LRP4: variants seen among roughly 807,000 people sequenced by gnomAD.
The protein encoded by LRP4 is LDL receptor related protein 4, also known as low-density lipoprotein receptor-related protein 4.
A neutral mutation model predicts 220.3 loss-of-function variants in LRP4; 95 were observed. That is an observed-to-expected ratio of 0.43 (90% CI 0.37 to 0.51). The LOEUF is 0.51. Ranked by LOEUF, LRP4 falls within the 20% of genes least tolerant of loss-of-function variation. The pLI, the probability that LRP4 is intolerant of heterozygous loss-of-function variation, is 0.00. For missense variants in LRP4, 1,925 were observed against 2,567.0 expected (o/e 0.75, Z 5.40); for synonymous variants, 903 against 954.6 (o/e 0.95, Z 1.00).
In LRP4 at chr11:46,881,058, CAAAAAAAAA is replaced by C. The variant is rs60125188; in HGVS notation, c.2814+635_2814+643del. 3.9e-4 allele frequency among the ~76,000 whole-genome samples: 22 copies of C among 56,110 alleles called. No individual in the cohort carries two copies. In the South Asian group the frequency reaches 0.018, roughly 45 times the overall value. 36.8% of individuals were successfully genotyped at this position (56,110 alleles called of 152,430 possible). A position where few individuals can be genotyped will look rare whatever the true frequency, so the allele number is the denominator to read the frequency against. ...CAGCATGACCCTGCCTCTAAAAAAC[CAAAAAAAAA>C]AAAAAAAAAAAAAAAAAAGACAGTA... is the stretch of plus-strand genomic sequence containing the variant. On this transcript the variant is annotated intron_variant, in intron 20 of 37. Coordinates refer to ENST00000378623, the MANE Select transcript of LRP4 (RefSeq NM_002334.4).
intron 12 of LRP4, among the ~76,000 whole-genome samples, chr11:46,894,049 G>A (rs996565780): frequency 1.3e-5 from 2 of 151,460 alleles, no homozygotes; most frequent in Non-Finnish European, 2.9e-5. Flanking sequence ...GCGCCACCAC[G>A]CCCGGCTAAC....
Position 46,894,641 on chromosome 11 carries a change from G to A in LRP4, c.1488C>T (p.Asn496=), listed in dbSNP as rs779961860. The A allele has an allele frequency of 3.1e-6, 5 of 1,613,912 alleles. No individual in the cohort carries two copies. In the East Asian group the frequency reaches 1.1e-4, roughly 36 times the overall value. The change falls in exon 12 of 38, where the codon AAC becomes AAT. Residue 496 remains asparagine (N), a synonymous_variant. Coordinates refer to ENST00000378623, the MANE Select transcript of LRP4 (RefSeq NM_002334.4). Reference sequence around the variant, plus strand: ...CCTCCTCCACGTTGCTGCCGTTGAGGTTGGCACGGAGGATCCGGTCCAGGG... The same window carrying A: ...CCTCCTCCACGTTGCTGCCGTTGAGATTGGCACGGAGGATCCGGTCCAGGG... ...DVTLDRILRA[N]LNGSNVEEVV...
chr11:46,884,344 C>A (rs1941231344), intron 18 of LRP4, among the ~76,000 whole-genome samples: 1 of 152,144 alleles, frequency 6.6e-6, no homozygotes, highest in East Asian at 1.9e-4. Context: ...TGGCTCACGC[C>A]TGTAATCCCA....
At chr11:46,892,170 T>C (rs1043998816) in intron 13 of LRP4, among the ~76,000 whole-genome samples, 2 of 152,324 alleles carry the variant, frequency 1.3e-5, no homozygotes, top group Middle Eastern at 3.4e-3. Flanking sequence ...TGGACTCAAG[T>C]GATCCTCCTT....
chr11:46,863,758 CA>C (rs1321369240), intron 36 of LRP4, among the ~76,000 whole-genome samples: 1 of 151,444 alleles, frequency 6.6e-6, no homozygotes, highest in African/African-American at 2.4e-5. Context: ...GACTCTATCT[CA>C]AAAAAATAAG....
At chr11:46,893,254 T>C (rs1314902601) in intron 12 of LRP4, 125 bp from the exon 13 acceptor site, 2 of 868,766 alleles carry the variant, frequency 2.3e-6, no homozygotes, top group Non-Finnish European at 3.8e-6. Context: ...TCACTTCAGA[T>C]ACATGAATTC....
intron 10 of LRP4, 90 bp downstream of exon 10, chr11:46,895,785 GTCACACCGT>G: frequency 6.5e-7 from 1 of 1,537,968 alleles, no homozygotes; most frequent in Admixed American, 1.7e-5. Flanking sequence ...ACGAAATGAG[GTCACACCGT>G]TCAAATGCCT....
chr11:46,896,476 G>A (rs529918780), intron 8 of LRP4, 141 bp from the exon 9 acceptor site: 162 of 1,007,718 alleles, frequency 1.6e-4, no homozygotes, highest in Non-Finnish European at 2.1e-4. Flanking sequence ...AAGCAGCTCA[G>A]ACAGGGCTGG....
Position 46,899,386 on chromosome 11 carries a change from C to A in LRP4, c.547+1G>T. 3 of 1,611,796 alleles carry A rather than the reference C, an allele frequency of 1.9e-6. No individual in the cohort carries two copies. Among genetic ancestry groups the A allele is most frequent in the Non-Finnish European group, 2.5e-6 (3 of 1,177,890 alleles). On this transcript the variant is annotated splice_donor_variant, in intron 5 of 37. Coordinates refer to ENST00000378623, the MANE Select transcript of LRP4 (RefSeq NM_002334.4). LOFTEE classifies it high-confidence loss of function. The surrounding 1 kb of genome is among the most constrained non-coding windows in gnomAD (Gnocchi z 5.9). ...ACAGCCTGAGGTCTGGGGCCACTCA[C>A]GACAGTTCTCCTCATCGGAGCCATC...
At chr11:46,868,554 T>G in intron 33 of LRP4, 46 bp downstream of exon 33, 1 of 1,399,368 alleles carries the variant, frequency 7.1e-7, no homozygotes, top group Non-Finnish European at 1.0e-6. Flanking sequence ...CTCTCAGCCC[T>G]TCCAGGGGCT....
chr11:46,898,740 G>A, intron 6 of LRP4, 63 bp from the exon 7 acceptor site: 2 of 1,610,976 alleles, frequency 1.2e-6, no homozygotes, highest in African/African-American at 1.3e-5. Context: ...CAGACTAGAA[G>A]GCCACAGCCC....
intron 2 of LRP4, among the ~76,000 whole-genome samples, chr11:46,901,205 G>C (rs1196776062): frequency 6.6e-6 from 1 of 152,206 alleles, no homozygotes; most frequent in Non-Finnish European, 1.5e-5. Context: ...GGTAATTGTG[G>C]TGAGGGGTTC....
chr11:46,899,592 T>C lies in LRP4; in HGVS notation c.431-89A>G. Reference sequence around the variant, plus strand: ...CTCTGACTCCCAACCTCACTGGCTTTGGCGGGTCTGACCTAGCCCCCGAAA... The same window carrying C: ...CTCTGACTCCCAACCTCACTGGCTTCGGCGGGTCTGACCTAGCCCCCGAAA... On this transcript the variant is annotated intron_variant, in intron 4 of 37. Transcript: ENST00000378623. This position sits in a 1 kb window ranked among gnomAD's most constrained non-coding sequence, Gnocchi z 5.9. 1 of 998,020 alleles carries C rather than the reference T, an allele frequency of 1.0e-6. No individual in the cohort carries two copies. The highest frequency in any genetic ancestry group is 1.6e-6 in the Non-Finnish European group (1 of 631,634). The allele number at this position is 998,020 out of a possible 1,614,324, so 61.8% of individuals were successfully genotyped here.
chr11:46,880,926 T>A (rs1941139930), intron 20 of LRP4, among the ~76,000 whole-genome samples: 1 of 151,506 alleles, frequency 6.6e-6, no homozygotes, highest in Admixed American at 6.6e-5. Context: ...AGAAAAAAAC[T>A]AGCCAGGCGT....
At chr11:46,903,163 G>C (rs1941699629) in intron 1 of LRP4, among the ~76,000 whole-genome samples, 1 of 152,072 alleles carries the variant, frequency 6.6e-6, no homozygotes, top group Non-Finnish European at 1.5e-5. Flanking sequence ...CTATGACAGG[G>C]CTTTTTTGCA....
chr11:46,893,586 CT>C (rs1166467465), intron 12 of LRP4, among the ~76,000 whole-genome samples: 1 of 152,140 alleles, frequency 6.6e-6, no homozygotes, highest in Non-Finnish European at 1.5e-5. Flanking sequence ...GACAAGTGAG[CT>C]GTTTCTGTGG....
chr11:46,871,722 G>A (rs1940869929), intron 30 of LRP4, 89 bp from the exon 31 acceptor site: 1 of 854,596 alleles, frequency 1.2e-6, no homozygotes, highest in Non-Finnish European at 1.9e-6. Context: ...CCCCTCCTGA[G>A]CTGACTGGCA....
At position 46,871,979 on chromosome 11, in the gene LRP4, C is replaced by T. The variant is rs188390355; in HGVS notation, c.4584-346G>A. 1.6e-4 allele frequency among the ~76,000 whole-genome samples: 25 copies of T among 152,230 alleles called. No individual in the cohort carries two copies. In the East Asian group the frequency reaches 3.3e-3, roughly 20 times the overall value. ...TCTTTAAGAAGAGAGCTCACTCGGC[C>T]GGGCATGGTGGCTCACGCTTGTAAT... On this transcript the variant is annotated intron_variant, in intron 30 of 37. Coordinates refer to ENST00000378623, the MANE Select transcript of LRP4 (RefSeq NM_002334.4).
In LRP4 at chr11:46,918,322, G is replaced by A. The variant is rs1020743373; in HGVS notation, c.52+6C>T. The A allele has an allele frequency of 1.3e-6, 2 of 1,509,314 alleles. No homozygotes were observed. Among genetic ancestry groups the A allele is most frequent in the East Asian group, 2.6e-5 (1 of 38,108 alleles). 93.5% of individuals were successfully genotyped at this position (1,509,314 alleles called of 1,614,324 possible). On this transcript the variant is annotated splice_donor_region_variant and intron_variant, in intron 1 of 37. Coordinates refer to ENST00000378623, the MANE Select transcript of LRP4 (RefSeq NM_002334.4). This position sits in a 1 kb window ranked among gnomAD's most constrained non-coding sequence, Gnocchi z 6.0. Reference sequence around the variant, plus strand: ...GGGACAAACTTTCCCGGCGGGCGCCGCTTACCGTGTGCGCAGAGCAGGGCG... The same window carrying A: ...GGGACAAACTTTCCCGGCGGGCGCCACTTACCGTGTGCGCAGAGCAGGGCG...
Sources: allele counts gnomAD v4.1 joint callset (sites outside exome capture counted in the v4.1 genomes callset), GRCh38; gene constraint gnomAD v4.1.1; non-coding constraint Gnocchi (gnomAD v3.1); transcripts MANE v1.5; gene names NCBI Gene and HGNC (gene_info 2026-07-23, HGNC 2026-07-21).